Variants in PCBP2 observed in about 807,000 individuals in gnomAD.
The protein encoded by PCBP2 is poly(rC) binding protein 2.
In PCBP2, 4 loss-of-function variants were observed where a neutral mutation model predicts 50.1. The ratio of observed to expected loss-of-function variants is 0.08; its 90% CI spans 0.04 to 0.18. The LOEUF (loss-of-function observed/expected upper bound fraction) is 0.18, where lower values mean the gene tolerates loss of function less well. PCBP2 is among the 10% of genes least tolerant of loss of function. PCBP2 has a pLI of 1.00. For synonymous variants in PCBP2, 179 were observed against 168.0 expected, an observed-to-expected ratio of 1.07 and a Z score of -0.51; for missense variants, 161 against 474.3, an observed-to-expected ratio of 0.34 and a Z score of 6.14.
At chr12:53,461,252 G>A (rs1941424366) in intron 7 of PCBP2, 109 bp downstream of exon 7, 4 of 1,245,084 alleles carry the variant, frequency 3.2e-6, no homozygotes, top group Non-Finnish European at 4.5e-6. Flanking sequence ...AAGGCTTCCA[G>A]TGGGGGTGGG....
chr12:53,458,703 G>A (rs907065959), intron 5 of PCBP2, among the ~76,000 whole-genome samples: 2 of 150,916 alleles, frequency 1.3e-5, no homozygotes, highest in African/African-American at 2.4e-5. Context: ...GCAGTGGCAC[G>A]ATCTTGGCTC....
At chr12:53,475,250 T>C (rs529155473) in intron 14 of PCBP2, 32 of 427,232 alleles carry the variant, frequency 7.5e-5, no homozygotes, top group South Asian at 5.1e-4. Flanking sequence ...TCCAGTATTA[T>C]TTTGTTCATT....
At chr12:53,467,371 T>A (rs781422609) in intron 11 of PCBP2, 78 bp downstream of exon 11, 1 of 1,201,898 alleles carries the variant, frequency 8.3e-7, no homozygotes, top group Admixed American at 1.7e-5. Flanking sequence ...GCTTGACATC[T>A]GTTTAAAACA....
chr12:53,472,402 G>C (rs1942303370), intron 14 of PCBP2, among the ~76,000 whole-genome samples: 1 of 152,194 alleles, frequency 6.6e-6, no homozygotes, highest in Admixed American at 6.5e-5. Flanking sequence ...ATCCCTTAAT[G>C]ACTTCCTGAG....
chr12:53,477,683 A>C (rs1164836977), intron 14 of PCBP2, among the ~76,000 whole-genome samples: 2 of 149,426 alleles, frequency 1.3e-5, no homozygotes, highest in African/African-American at 5.0e-5. Context: ...AAAAAAAAAA[A>C]AAAAAAAAAA....
chr12:53,478,310 C>T (rs979855084), intron 14 of PCBP2, among the ~76,000 whole-genome samples: 3 of 151,976 alleles, frequency 2.0e-5, no homozygotes, highest in African/African-American at 7.3e-5. Context: ...AAGTTTGAGA[C>T]CAGCCTGGCC....
intron 6 of PCBP2, chr12:53,459,969 G>A (rs1006365061): frequency 1.2e-5 from 5 of 406,762 alleles, no homozygotes; most frequent in Admixed American, 7.5e-5. Context: ...ATGTGGCCCA[G>A]GCTGGTTTCG....
rs1555209675 is a variant in PCBP2 at position 53,479,671 on chromosome 12, G to GTTTTTTTTTTTTGTTGT, written c.*242_*243insTTGTTTTTTTTTTTTTG. ...ATTTAGTTTTATAAGCTTCTCCCTG[G>GTTTTTTTTTTTTGTTGT]TTTTTTTTTTTTGGCTCATGAATTT... On this transcript the variant is annotated 3_prime_UTR_variant, in exon 15 of 15. Transcript: ENST00000546463. 5 of 206,780 alleles carry GTTTTTTTTTTTTGTTGT rather than the reference G, an allele frequency of 2.4e-5. No homozygotes were observed. The highest frequency in any genetic ancestry group is 4.6e-5 in the Non-Finnish European group (5 of 108,890). 12.8% of individuals were successfully genotyped at this position (206,780 alleles called of 1,614,324 possible).
chr12:53,464,082 A>G (rs1941638935), intron 8 of PCBP2, among the ~76,000 whole-genome samples: 1 of 152,218 alleles, frequency 6.6e-6, no homozygotes, highest in African/African-American at 2.4e-5. Context: ...AGAGTTGGGC[A>G]GGATAAGCAA....
intron 14 of PCBP2, among the ~76,000 whole-genome samples, chr12:53,478,801 G>T (rs1039537120): frequency 1.3e-5 from 2 of 149,014 alleles, no homozygotes; most frequent in Non-Finnish European, 3.0e-5. Flanking sequence ...GCTAGACTCT[G>T]TCTCAATAAA....
Position 53,467,307 on chromosome 12 carries a change from A to T in PCBP2, c.787+14A>T. 6.2e-7 allele frequency: 1 copy of T among 1,602,572 alleles called. No individual in the cohort carries two copies. The highest frequency in any genetic ancestry group is 8.6e-7 in the Non-Finnish European group (1 of 1,169,512). On this transcript the variant is annotated intron_variant, in intron 11 of 14. Transcript: ENST00000546463. ...CCGGATTCAGTGGTATGGATACCTC[A>T]GTGTTTATTTCTGTAAGGTGTAGTG...
rs559476948 is a variant in PCBP2 at position 53,477,623 on chromosome 12, G to C, written c.1053-1783G>C. Among the ~76,000 whole-genome samples, 463 of 121,506 alleles carry C rather than the reference G, an allele frequency of 3.8e-3. 4 individuals are homozygous for C. The Middle Eastern group carries it at 0.078, about 20-fold the overall frequency. 79.7% of individuals were successfully genotyped at this position (121,506 alleles called of 152,430 possible). ...GGAGCTTGCAGTGAGCCGAGACCGC[G>C]CCACTGTACTCCAGCCTGGGTGACA... On this transcript the variant is annotated intron_variant, in intron 14 of 14. Coordinates refer to ENST00000546463, the MANE Select transcript of PCBP2 (RefSeq NM_031989.5).
Position 53,468,908 on chromosome 12 carries a change from C to T in PCBP2, c.882+76C>T, listed in dbSNP as rs964440036. On this transcript the variant is annotated intron_variant, in intron 13 of 14. Transcript: ENST00000546463. Reference sequence around the variant, plus strand: ...GAAATAGATGTCGTTTCAGCAGTGTCCTGCTACCCTTTTTTTTTTTTTTTT... The same window carrying T: ...GAAATAGATGTCGTTTCAGCAGTGTTCTGCTACCCTTTTTTTTTTTTTTTT... 22 of 995,476 alleles carry T rather than the reference C, an allele frequency of 2.2e-5. No individual in the cohort carries two copies. In the Admixed American group the frequency reaches 4.0e-4, roughly 18 times the overall value. The allele number at this position is 995,476 out of a possible 1,614,324, so 61.7% of individuals were successfully genotyped here. A position where few individuals can be genotyped will look rare whatever the true frequency, so the allele number is the denominator to read the frequency against.
intron 14 of PCBP2, among the ~76,000 whole-genome samples, chr12:53,477,799 C>T (rs1942730961): frequency 6.6e-6 from 1 of 151,748 alleles, no homozygotes; most frequent in African/African-American, 2.4e-5. Context: ...GCTTTTCTAC[C>T]CAGCTTTTGG....
chr12:53,465,875 C>G, intron 9 of PCBP2, 57 bp from the exon 10 acceptor site: 1 of 1,384,086 alleles, frequency 7.2e-7, no homozygotes. Context: ...TTTTTCCCCC[C>G]ACTGGGTGGC....
intron 12 of PCBP2, chr12:53,468,147 T>C: frequency 3.7e-6 from 1 of 273,198 alleles, no homozygotes; most frequent in East Asian, 6.5e-5. Flanking sequence ...ATGGGATTTT[T>C]TTTTCTTTCT....
chr12:53,460,246 C>T (rs919234881), intron 6 of PCBP2: 1 of 226,522 alleles, frequency 4.4e-6, no homozygotes, highest in South Asian at 4.3e-5. Flanking sequence ...TCATGTAACC[C>T]TCCTACCTCA....
At chr12:53,453,656 TTTA>T (rs2137010095) in intron 1 of PCBP2, among the ~76,000 whole-genome samples, 1 of 152,240 alleles carries the variant, frequency 6.6e-6, no homozygotes, top group East Asian at 1.9e-4. Context: ...CATGTTGAGT[TTTA>T]AAAGGATGGA....
chr12:53,470,923 T>A (rs1436014157), intron 13 of PCBP2, among the ~76,000 whole-genome samples: 1 of 152,102 alleles, frequency 6.6e-6, no homozygotes, highest in Non-Finnish European at 1.5e-5. Context: ...GCTGTCTAAA[T>A]TTATTTTTGT....
Sources: gnomAD v4.1 joint callset for allele counts (sites outside exome capture counted in the v4.1 genomes callset) on GRCh38, gnomAD v4.1.1 for gene constraint, MANE v1.5 for transcripts, NCBI Gene and HGNC (gene_info 2026-07-23, HGNC 2026-07-21) for gene names.